EFCAB5: variants seen among roughly 807,000 people sequenced by gnomAD.
EFCAB5 encodes EF-hand calcium binding domain 5, also known as EF-hand calcium-binding domain-containing protein 5.
A neutral mutation model predicts 167.9 loss-of-function variants in EFCAB5; 131 were observed. The ratio of observed to expected loss-of-function variants is 0.78; its 90% CI spans 0.68 to 0.90. EFCAB5 has a LOEUF of 0.90. Among genes scored for constraint, EFCAB5 ranks in the 40% least tolerant of loss-of-function variants. The pLI is 0.00. For synonymous variants in EFCAB5, 574 were observed against 602.8 expected (o/e 0.95, Z 0.70); for missense variants, 1,663 against 1,745.2 (o/e 0.95, Z 0.84).
At chr17:29,959,547 C>A (rs2067680258) in intron 3 of EFCAB5, among the ~76,000 whole-genome samples, 1 of 152,120 alleles carries the variant, frequency 6.6e-6, no homozygotes, top group Non-Finnish European at 1.5e-5. Flanking sequence ...CTTTAGTCAT[C>A]AGGTGATGAA....
chr17:30,108,192 A>T lies in EFCAB5; in HGVS notation c.*168A>T. The T allele has an allele frequency of 2.9e-6, 2 of 682,664 alleles. No individual in the cohort carries two copies. The highest frequency in any genetic ancestry group is 4.6e-5 in the South Asian group (2 of 43,418). 42.3% of individuals were successfully genotyped at this position (682,664 alleles called of 1,614,324 possible). A position where few individuals can be genotyped will look rare whatever the true frequency, so the allele number is the denominator to read the frequency against. On this transcript the variant is annotated 3_prime_UTR_variant, in exon 23 of 23. Coordinates refer to ENST00000394835, the MANE Select transcript of EFCAB5 (RefSeq NM_198529.4). ...AACCCAAAAGTGCTACCTAAGAAGA[A>T]ATTTAGCCAAAAAATACCCAGCTAA...
At position 30,034,212 on chromosome 17, in the gene EFCAB5, CT is replaced by C. The variant is rs746429554; in HGVS notation, c.1045-10del. 13 of 1,610,100 alleles carry C rather than the reference CT, an allele frequency of 8.1e-6. No homozygotes were observed. Among genetic ancestry groups the C allele is most frequent in the Admixed American group, 5.0e-5 (3 of 59,654 alleles). ...TGGTTTTAAGTCAATCGTTTATCCT[CT>C]TTTTTTTCCCCTGTAGTACATCTCT... On this transcript the variant is annotated splice_polypyrimidine_tract_variant and intron_variant, in intron 7 of 22. Transcript: ENST00000394835.
intron 4 of EFCAB5, among the ~76,000 whole-genome samples, chr17:29,980,971 C>G (rs1199607446): frequency 6.6e-6 from 1 of 152,170 alleles, no homozygotes; most frequent in East Asian, 1.9e-4. Context: ...ATTTCACCTT[C>G]TTTTCTTAAA....
At chr17:29,951,052 G>A (rs997989720) in intron 3 of EFCAB5, among the ~76,000 whole-genome samples, 4 of 152,168 alleles carry the variant, frequency 2.6e-5, no homozygotes, top group African/African-American at 9.7e-5. Flanking sequence ...ACCCAAAGCA[G>A]TTAATAAGTT....
At chr17:29,954,948 C>T (rs1363168168) in intron 3 of EFCAB5, among the ~76,000 whole-genome samples, 1 of 152,158 alleles carries the variant, frequency 6.6e-6, no homozygotes. Flanking sequence ...TTTTACTGCC[C>T]TGTTGTATTT....
At chr17:30,042,004 T>C (rs149778026) in intron 8 of EFCAB5, among the ~76,000 whole-genome samples, 106 of 152,210 alleles carry the variant, frequency 7.0e-4, no homozygotes, top group Middle Eastern at 3.4e-3. Flanking sequence ...CAGTATAGTA[T>C]AAACATAACT....
chr17:30,063,484 C>T (rs895533704), intron 14 of EFCAB5, among the ~76,000 whole-genome samples: 1 of 152,182 alleles, frequency 6.6e-6, no homozygotes, highest in African/African-American at 2.4e-5. Context: ...GCCCTGCCCC[C>T]CAGGGGTAGA....
chr17:30,070,287 G>C (rs180809011), intron 14 of EFCAB5, among the ~76,000 whole-genome samples: 1 of 151,836 alleles, frequency 6.6e-6, no homozygotes, highest in East Asian at 1.9e-4. Flanking sequence ...GCAATCTACA[G>C]TTTCCATACA....
At chr17:29,991,563 T>C (rs1331319447) in intron 4 of EFCAB5, among the ~76,000 whole-genome samples, 1 of 152,260 alleles carries the variant, frequency 6.6e-6, no homozygotes, top group African/African-American at 2.4e-5. Context: ...CATGCTATTG[T>C]TTGTGGCTTA....
intron 17 of EFCAB5, 142 bp downstream of exon 17, chr17:30,081,123 A>G (rs2070981045): frequency 1.5e-6 from 1 of 685,334 alleles, no homozygotes; most frequent in African/African-American, 1.8e-5. Context: ...CCCTGAATGT[A>G]TGTTTCAGTC....
intron 3 of EFCAB5, among the ~76,000 whole-genome samples, chr17:29,956,191 T>C (rs2067611752): frequency 6.6e-6 from 1 of 152,208 alleles, no homozygotes; most frequent in African/African-American, 2.4e-5. Flanking sequence ...GTAGAATAAA[T>C]AAATTGTAAT....
intron 8 of EFCAB5, among the ~76,000 whole-genome samples, chr17:30,049,432 A>G (rs2070022289): frequency 6.6e-6 from 1 of 152,134 alleles, no homozygotes; most frequent in South Asian, 2.1e-4. Flanking sequence ...GTGAGCCGAG[A>G]TCATGCCACT....
chr17:30,075,292 T>A (rs997190431), intron 14 of EFCAB5, among the ~76,000 whole-genome samples: 1 of 152,202 alleles, frequency 6.6e-6, no homozygotes, highest in African/African-American at 2.4e-5. Flanking sequence ...CCCACATGGC[T>A]ATCCTCCTTA....
intron 15 of EFCAB5, 57 bp from the exon 16 acceptor site, chr17:30,080,015 G>C: frequency 6.4e-7 from 1 of 1,555,288 alleles, no homozygotes; most frequent in Non-Finnish European, 8.7e-7. Context: ...AGGGGGACAT[G>C]ATTAGGGGAG....
chr17:30,014,913 G>T (rs1479204381), intron 7 of EFCAB5, among the ~76,000 whole-genome samples: 1 of 152,110 alleles, frequency 6.6e-6, no homozygotes, highest in Non-Finnish European at 1.5e-5. Context: ...TTACAATTTG[G>T]CATGTTTTTG....
At chr17:30,085,451 T>C (rs2071067667) in intron 18 of EFCAB5, among the ~76,000 whole-genome samples, 1 of 152,368 alleles carries the variant, frequency 6.6e-6, no homozygotes, top group Non-Finnish European at 1.5e-5. Flanking sequence ...TCAGTTTACA[T>C]GGCTCACGCC....
chr17:30,063,746 G>C (rs2070487861), intron 14 of EFCAB5, among the ~76,000 whole-genome samples: 1 of 152,172 alleles, frequency 6.6e-6, no homozygotes, highest in Admixed American at 6.5e-5. Context: ...CTGACACCAA[G>C]AGGGATCCCC....
rs114877492 is a variant in EFCAB5, at chr17:29,977,252, G to A, written c.767+7885G>A. ...AAAATAGGATTACAAACTTTCAATA[G>A]CCTAATTATGATGGTGGTTACACAT... On this transcript the variant is annotated intron_variant, in intron 4 of 22. Coordinates refer to ENST00000394835, the MANE Select transcript of EFCAB5 (RefSeq NM_198529.4). Among the ~76,000 whole-genome samples, 626 of 152,160 alleles carry A rather than the reference G, an allele frequency of 4.1e-3. 5 individuals are homozygous for A. Among genetic ancestry groups the A allele is most frequent in the African/African-American group, 0.014 (594 of 41,516 alleles).
At chr17:30,069,219 C>G (rs2070662126) in intron 14 of EFCAB5, 1 of 1,547,896 alleles carries the variant, frequency 6.5e-7, no homozygotes. Context: ...GAAGAAAACC[C>G]TGCCACTGAA....
Sources: gnomAD v4.1 joint callset for allele counts (sites outside exome capture counted in the v4.1 genomes callset) on GRCh38, gnomAD v4.1.1 for gene constraint, MANE v1.5 for transcripts, NCBI Gene and HGNC (gene_info 2026-07-23, HGNC 2026-07-21) for gene names.